The following SAMD15 variants were observed in gnomAD, a reference collection of about 807,000 sequenced individuals.
SAMD15 encodes the protein sterile alpha motif domain-containing protein 15.
In SAMD15, 37 loss-of-function variants were observed where a neutral mutation model predicts 50.5. That is an observed-to-expected ratio of 0.73 (90% CI 0.56 to 0.96). SAMD15 has a LOEUF of 0.96. SAMD15 is among the 40% of genes least tolerant of loss of function. The pLI is 0.00. For missense variants in SAMD15, 789 were observed against 783.8 expected, an observed-to-expected ratio of 1.01 and a Z score of -0.08; for synonymous variants, 255 against 282.8, an observed-to-expected ratio of 0.90 and a Z score of 0.99.
Position 77,379,453 on chromosome 14 carries a change from G to T in SAMD15, c.1689+346G>T, listed in dbSNP as rs138473743. 7.2e-3 allele frequency among the ~76,000 whole-genome samples: 1,086 copies of T among 150,688 alleles called. 8 individuals are homozygous for T. The highest frequency in any genetic ancestry group is 0.025 in the African/African-American group (1,041 of 40,876). On this transcript the variant is annotated intron_variant, in intron 1 of 2. Coordinates refer to ENST00000216471, the MANE Select transcript of SAMD15 (RefSeq NM_001010860.4). ...GGTTGGAGTGCAGTGGCACGATCTC[G>T]GCTCACTGCAAGCTCCACCTTCCCC...
chr14:77,381,323 C>G (rs1893941024), intron 2 of SAMD15, among the ~76,000 whole-genome samples: 1 of 152,220 alleles, frequency 6.6e-6, no homozygotes, highest in African/African-American at 2.4e-5. Flanking sequence ...CTTTGCATAA[C>G]AGTACCCTCC....
chr14:77,378,328 C>A lies in SAMD15; in HGVS notation c.910C>A (p.Leu304Ile). The change falls in exon 1 of 3, where the codon CTA becomes ATA. Residue 304 changes from leucine (L) to isoleucine (I), a missense_variant. Coordinates refer to ENST00000216471, the MANE Select transcript of SAMD15 (RefSeq NM_001010860.4). ...GGCAACTGAGGAGAAAGGGACAGAA[C>A]TACCTGAGCGGACTAAACCAGACTT... The part of the protein sequence containing the change: ...RKATEEKGTE[L>I]PERTKPDFPD... 6.2e-7 allele frequency: 1 copy of A among 1,612,302 alleles called. No individual in the cohort carries two copies. Among genetic ancestry groups the A allele is most frequent in the South Asian group, 1.1e-5 (1 of 90,698 alleles).
chr14:77,382,078 A>AGGTT (rs1259589357), intron 2 of SAMD15, among the ~76,000 whole-genome samples: 1 of 151,504 alleles, frequency 6.6e-6, no homozygotes, highest in Non-Finnish European at 1.5e-5. Context: ...CTGGGACTAC[A>AGGTT]GGTGTGCGCA....
At position 77,386,324 on chromosome 14, in the gene SAMD15, G is replaced by A. The variant is rs527482242; in HGVS notation, c.1789-4684G>A. 8.0e-4 allele frequency among the ~76,000 whole-genome samples: 122 copies of A among 152,114 alleles called. 2 individuals carry two copies. The highest frequency in any genetic ancestry group is 5.2e-3 in the South Asian group (25 of 4,814). On this transcript the variant is annotated intron_variant, in intron 2 of 2. Coordinates refer to ENST00000216471, the MANE Select transcript of SAMD15 (RefSeq NM_001010860.4). ...TTTGCAGTCAGCCCATCCCTTTACC[G>A]TAATCCCTAATCTGTTTTTGATGTC...
At position 77,377,380 on chromosome 14, in the gene SAMD15, G is replaced by C; in HGVS notation, c.-39G>C. 6.4e-7 allele frequency: 1 copy of C among 1,561,558 alleles called. No individual in the cohort carries two copies. Among genetic ancestry groups the C allele is most frequent in the Middle Eastern group, 1.8e-4 (1 of 5,490 alleles). On this transcript the variant is annotated 5_prime_UTR_variant, in exon 1 of 3. Transcript: ENST00000216471. ...TCCATAGAGACGCTATCGGAAGTTG[G>C]GGTTGCTAGGAAGCCGCGGCGCGTC...
At chr14:77,379,579 G>C (rs1253828619) in intron 1 of SAMD15, among the ~76,000 whole-genome samples, 1 of 152,118 alleles carries the variant, frequency 6.6e-6, no homozygotes, top group Non-Finnish European at 1.5e-5. Flanking sequence ...TTTTAGTAGA[G>C]ACGGGGTTTC....
At chr14:77,383,115 G>C (rs1239010964) in intron 2 of SAMD15, among the ~76,000 whole-genome samples, 1 of 152,124 alleles carries the variant, frequency 6.6e-6, no homozygotes. Flanking sequence ...TAATACAGCT[G>C]TTTTTATGAA....
intron 1 of SAMD15, 62 bp from the exon 2 acceptor site, chr14:77,380,321 C>T: frequency 3.0e-6 from 3 of 998,346 alleles, no homozygotes; most frequent in South Asian, 1.3e-5. Flanking sequence ...CTCCCCCTTC[C>T]CTCCCTTTCT....
intron 2 of SAMD15, among the ~76,000 whole-genome samples, chr14:77,383,793 T>A (rs1029697536): frequency 3.3e-4 from 50 of 152,116 alleles, no homozygotes; most frequent in African/African-American, 1.2e-3. Context: ...TGGTGAAACT[T>A]CTTCTCTACT....
chr14:77,378,241 G>C lies in SAMD15; in HGVS notation c.823G>C (p.Glu275Gln). Residue 275 changes from glutamate to glutamine, a missense_variant, in exon 1 of 3, where the codon GAG becomes CAG. Transcript: ENST00000216471. ...GAAGGAACCAAGAAAGTCTAGTGAG[G>C]AGGCAGGTCTAGAGCCTCCAGAAGA... The part of the protein sequence containing the change: ...LEKEPRKSSE[E>Q]AGLEPPEETQ... The C allele has an allele frequency of 1.2e-6, 2 of 1,614,062 alleles. No individual in the cohort carries two copies. The highest frequency in any genetic ancestry group is 1.7e-6 in the Non-Finnish European group (2 of 1,179,998).
chr14:77,391,096 G>A lies in SAMD15; in HGVS notation c.1877G>A (p.Gly626Asp). ...SISLPYRDII[G>D]LYLEQKGHTG... ...AGCCTTCCCTATAGGGATATTATCG[G>A]CTTATATTTAGAGCAAAAAGGTCAT... The change falls in exon 3 of 3, where the codon GGC (glycine) becomes GAC (aspartate). Residue 626 changes from glycine to aspartate, a missense_variant. Transcript: ENST00000216471. 1.9e-6 allele frequency: 3 copies of A among 1,613,962 alleles called. No homozygotes were observed. The highest frequency in any genetic ancestry group is 2.5e-6 in the Non-Finnish European group (3 of 1,179,916).
chr14:77,391,567 G>T lies in SAMD15; in HGVS notation c.*323G>T. 1 of 199,904 alleles carries T rather than the reference G, an allele frequency of 5.0e-6. No homozygotes were observed. The highest frequency in any genetic ancestry group is 1.0e-5 in the Non-Finnish European group (1 of 99,832). 12.4% of individuals were successfully genotyped at this position (199,904 alleles called of 1,614,324 possible). On this transcript the variant is annotated 3_prime_UTR_variant, in exon 3 of 3. Transcript: ENST00000216471. Reference sequence around the variant, plus strand: ...TCCTAACAGTTGATCTGCCCGCCGTGGCGTCCCAAAGTGCTGGGATTACAA... The same window carrying T: ...TCCTAACAGTTGATCTGCCCGCCGTTGCGTCCCAAAGTGCTGGGATTACAA...
chr14:77,388,005 T>G (rs1894025709), intron 2 of SAMD15, among the ~76,000 whole-genome samples: 1 of 152,176 alleles, frequency 6.6e-6, no homozygotes, highest in Non-Finnish European at 1.5e-5. Flanking sequence ...ATCACACCAC[T>G]GTACTCCAGC....
intron 2 of SAMD15, among the ~76,000 whole-genome samples, chr14:77,387,709 G>C: frequency 6.6e-6 from 1 of 151,976 alleles, no homozygotes; most frequent in Non-Finnish European, 1.5e-5. Flanking sequence ...GGGAATATGA[G>C]TAGATTATAT....
chr14:77,389,778 C>T (rs181845128), intron 2 of SAMD15, among the ~76,000 whole-genome samples: 92 of 152,118 alleles, frequency 6.0e-4, no homozygotes, highest in African/African-American at 1.7e-3. Context: ...GGATTACAGG[C>T]GTGGCGTGAG....
At chr14:77,385,287 CTTTTTTCTTTTTTTTT>C (rs1893992078) in intron 2 of SAMD15, among the ~76,000 whole-genome samples, 1 of 147,886 alleles carries the variant, frequency 6.8e-6, no homozygotes, top group Admixed American at 6.9e-5. Context: ...CTTTTTTTTT[CTTTTTTCTTTTTTTTT>C]GAGATAGAGT....
intron 2 of SAMD15, among the ~76,000 whole-genome samples, chr14:77,380,764 C>T (rs1048031296): frequency 1.3e-5 from 2 of 152,160 alleles, no homozygotes; most frequent in African/African-American, 4.8e-5. Context: ...AGTGGCCTCC[C>T]GCTTTTAGCC....
intron 2 of SAMD15, among the ~76,000 whole-genome samples, chr14:77,390,531 AT>A (rs1423859939): frequency 6.6e-6 from 1 of 152,166 alleles, no homozygotes; most frequent in Non-Finnish European, 1.5e-5. Flanking sequence ...CATTTAAGAA[AT>A]TGGTTTTGGT....
At chr14:77,379,282 T>C (rs1265799068) in intron 1 of SAMD15, among the ~76,000 whole-genome samples, 175 bp downstream of exon 1, 1 of 152,238 alleles carries the variant, frequency 6.6e-6, no homozygotes, top group Non-Finnish European at 1.5e-5. Context: ...ATATTTGTAT[T>C]TTGGGAGAGG....
Sources: allele counts gnomAD v4.1 joint callset (sites outside exome capture counted in the v4.1 genomes callset), GRCh38; gene constraint gnomAD v4.1.1; transcripts MANE v1.5; gene names NCBI Gene and HGNC (gene_info 2026-07-23, HGNC 2026-07-21).